The following NEGR1 variants were observed in gnomAD, a reference collection of about 807,000 sequenced individuals.
NEGR1 encodes the protein neuronal growth regulator 1.
A neutral mutation model predicts 40.9 loss-of-function variants in NEGR1; 10 were observed. The ratio of observed to expected loss-of-function variants is 0.24; its 90% CI spans 0.15 to 0.42. The LOEUF (loss-of-function observed/expected upper bound fraction) is 0.42. Ranked by LOEUF, NEGR1 falls within the 10% of genes least tolerant of loss-of-function variation. The pLI is 1.00. For synonymous variants in NEGR1, 185 were observed against 166.8 expected (o/e 1.11, Z -0.84); for missense variants, 352 against 438.9 (o/e 0.80, Z 1.77).
At chr1:72,015,559 C>T (rs934898534) in intron 1 of NEGR1, among the ~76,000 whole-genome samples, 1 of 152,100 alleles carries the variant, frequency 6.6e-6, no homozygotes, top group African/African-American at 2.4e-5. Context: ...AATCCCAGCA[C>T]TTTGGGAGGC....
intron 2 of NEGR1, among the ~76,000 whole-genome samples, chr1:71,779,107 C>T (rs908696468): frequency 1.3e-5 from 2 of 152,154 alleles, no homozygotes; most frequent in Non-Finnish European, 2.9e-5. Flanking sequence ...GACAAGGCTC[C>T]TCTCCCCAGA....
At chr1:71,853,190 G>A (rs2101815029) in intron 2 of NEGR1, among the ~76,000 whole-genome samples, 1 of 152,118 alleles carries the variant, frequency 6.6e-6, no homozygotes, top group South Asian at 2.1e-4. Context: ...AGTGTTTATT[G>A]AATTAAATTA....
chr1:71,666,723 C>T (rs1652255157), intron 4 of NEGR1, among the ~76,000 whole-genome samples: 1 of 152,078 alleles, frequency 6.6e-6, no homozygotes, highest in South Asian at 2.1e-4. Context: ...TGTTGTTTCT[C>T]CAAAGGTTTA....
chr1:71,748,728 A>G (rs1268620036), intron 3 of NEGR1, among the ~76,000 whole-genome samples: 1 of 152,142 alleles, frequency 6.6e-6, no homozygotes, highest in Non-Finnish European at 1.5e-5. Flanking sequence ...TTCGGTGCTC[A>G]CATGATGACA....
intron 3 of NEGR1, among the ~76,000 whole-genome samples, chr1:71,716,228 C>T (rs751133611): frequency 3.4e-4 from 52 of 152,094 alleles, no homozygotes; most frequent in Admixed American, 1.8e-3. Flanking sequence ...AAGCTACCCC[C>T]ATGATTAAAT....
At position 72,082,881 on chromosome 1, in the gene NEGR1, C is replaced by T. The variant is rs547641707; in HGVS notation, c.177-147570G>A. ...CACTCAAACACAAAAGAAATGGTAA[C>T]CAAAATCAAGCTGCAATCTAAAAAT... On this transcript the variant is annotated intron_variant, in intron 1 of 6. Coordinates refer to ENST00000357731, the MANE Select transcript of NEGR1 (RefSeq NM_173808.3). Among the ~76,000 whole-genome samples the T allele has an allele frequency of 1.2e-4, 19 of 152,078 alleles. 1 individual carries two copies. Among genetic ancestry groups the T allele is most frequent in the African/African-American group, 4.6e-4 (19 of 41,508 alleles).
At chr1:71,674,437 C>A (rs1429319263) in intron 4 of NEGR1, among the ~76,000 whole-genome samples, 2 of 152,178 alleles carry the variant, frequency 1.3e-5, no homozygotes, top group South Asian at 2.1e-4. Flanking sequence ...GCTTACTGAA[C>A]TATTCCTTTC....
intron 1 of NEGR1, among the ~76,000 whole-genome samples, chr1:71,980,123 A>T (rs918058152): frequency 6.6e-6 from 1 of 152,160 alleles, no homozygotes; most frequent in African/African-American, 2.4e-5. Flanking sequence ...AAAAATGGAG[A>T]TATGTGCAGA....
In NEGR1 at chr1:71,947,089, T is replaced by TATACACACAC. The variant is rs758540794; in HGVS notation, c.177-11779_177-11778insGTGTGTGTAT. On this transcript the variant is annotated intron_variant, in intron 1 of 6. Transcript: ENST00000357731. ...GGCAACAGAGCCAGATCCTGTCTCA[T>TATACACACAC]ACACACACACACACACACACACACA... Among the ~76,000 whole-genome samples, 15 of 129,152 alleles carry TATACACACAC rather than the reference T, an allele frequency of 1.2e-4. No homozygotes were observed. In the East Asian group the frequency reaches 1.8e-3, roughly 15 times the overall value. 84.7% of individuals were successfully genotyped at this position (129,152 alleles called of 152,430 possible).
At chr1:71,819,686 G>T (rs960907822) in intron 2 of NEGR1, among the ~76,000 whole-genome samples, 2 of 151,910 alleles carry the variant, frequency 1.3e-5, no homozygotes, top group African/African-American at 4.8e-5. Context: ...GCTATCATAT[G>T]CATATCTTAT....
intron 1 of NEGR1, among the ~76,000 whole-genome samples, chr1:72,109,877 A>G (rs2821248): frequency 0.15 from 23,225 of 151,546 alleles, 1,963 homozygotes; most frequent in African/African-American, 0.18. Context: ...ATATCATTGG[A>G]GATTCTTAAA....
At chr1:72,085,397 G>C (rs929626747) in intron 1 of NEGR1, among the ~76,000 whole-genome samples, 1 of 152,126 alleles carries the variant, frequency 6.6e-6, no homozygotes, top group Non-Finnish European at 1.5e-5. Context: ...AAGAGTATTT[G>C]TTATCATAGC....
chr1:71,768,812 G>GTGATT (rs1352448560), intron 3 of NEGR1, among the ~76,000 whole-genome samples: 2 of 152,122 alleles, frequency 1.3e-5, no homozygotes, highest in Non-Finnish European at 2.9e-5. Flanking sequence ...GATCAAGTGG[G>GTGATT]TGATTTTTCA....
chr1:71,970,596 G>A (rs573900460), intron 1 of NEGR1, among the ~76,000 whole-genome samples: 2 of 152,172 alleles, frequency 1.3e-5, no homozygotes, highest in South Asian at 2.1e-4. Context: ...TTGGGAGGCC[G>A]AGGGAGTAGA....
intron 4 of NEGR1, among the ~76,000 whole-genome samples, chr1:71,683,158 G>C (rs1158004458): frequency 6.6e-6 from 1 of 152,006 alleles, no homozygotes; most frequent in East Asian, 1.9e-4. Flanking sequence ...AGAGCTAAAC[G>C]AGGCAGGAAA....
intron 1 of NEGR1, among the ~76,000 whole-genome samples, chr1:71,945,318 T>C (rs1295351650): frequency 1.3e-5 from 2 of 152,128 alleles, no homozygotes; most frequent in African/African-American, 2.4e-5. Flanking sequence ...GCATGATAAG[T>C]ATGCAATTCA....
intron 3 of NEGR1, among the ~76,000 whole-genome samples, chr1:71,766,890 C>A (rs1196809066): frequency 6.6e-6 from 1 of 152,132 alleles, no homozygotes; most frequent in African/African-American, 2.4e-5. Context: ...CTCTCTTGCT[C>A]TTGCTTTGTC....
At chr1:71,529,036 AT>A (rs34533864) in intron 6 of NEGR1, among the ~76,000 whole-genome samples, 133,176 of 150,820 alleles carry the variant, frequency 0.88, 59,335 homozygotes, top group East Asian at 0.94. Context: ...TAAATAAAGC[AT>A]TTTTTTTTAC....
rs555616575 is a variant in NEGR1, at chr1:72,124,414, AGATATTAAGACTAGG to A, written c.176+157890_176+157904del. On this transcript the variant is annotated intron_variant, in intron 1 of 6. Transcript: ENST00000357731. ...AAAGATCAGCCCAGAGCAAAACCTA[AGATATTAAGACTAGG>A]GCAGAAAAAATATACAAGGCAACAG... 3.0e-3 allele frequency among the ~76,000 whole-genome samples: 453 copies of A among 152,114 alleles called. 1 individual carries two copies. Among genetic ancestry groups the A allele is most frequent in the African/African-American group, 0.011 (441 of 41,544 alleles).
Sources: allele counts gnomAD v4.1 joint callset (sites outside exome capture counted in the v4.1 genomes callset), GRCh38; gene constraint gnomAD v4.1.1; transcripts MANE v1.5; gene names NCBI Gene and HGNC (gene_info 2026-07-23, HGNC 2026-07-21).